The following EPHA3 variants were observed in gnomAD, a reference collection of about 807,000 sequenced individuals.
EPHA3 encodes the protein ephrin type-A receptor 3.
In EPHA3, 42 loss-of-function variants were observed where a neutral mutation model predicts 107.1. The observed-to-expected ratio is 0.39, with a 90% CI of 0.31 to 0.51. EPHA3 has a LOEUF of 0.51. Ranked by LOEUF, EPHA3 falls within the 20% of genes least tolerant of loss-of-function variation. EPHA3 has a pLI of 0.78. For missense variants in EPHA3, 1,183 were observed against 1,211.2 expected, an observed-to-expected ratio of 0.98 and a Z score of 0.35; for synonymous variants, 461 against 424.8, an observed-to-expected ratio of 1.09 and a Z score of -1.05.
intron 3 of EPHA3, among the ~76,000 whole-genome samples, chr3:89,259,049 A>G (rs1161498992): frequency 6.6e-6 from 1 of 152,198 alleles, no homozygotes; most frequent in Non-Finnish European, 1.5e-5. Context: ...ATATGGTTAC[A>G]TATATATTAT....
chr3:89,147,733 A>G (rs1704596524), intron 2 of EPHA3, among the ~76,000 whole-genome samples: 1 of 151,900 alleles, frequency 6.6e-6, no homozygotes. Context: ...ACCCCTGAGG[A>G]ATTTTGGTCT....
chr3:89,182,763 C>T (rs143211645), intron 2 of EPHA3, among the ~76,000 whole-genome samples: 45 of 151,892 alleles, frequency 3.0e-4, no homozygotes, highest in Non-Finnish European at 4.4e-5. Flanking sequence ...TATCTTTCTA[C>T]ATCTGTACCA....
chr3:89,399,489 T>C lies in EPHA3; in HGVS notation c.1594+9T>C. ...TGAAACTAGTCCAGACTGTATGTAT[T>C]ATTTCAATGCAGTCTAGAGGAGGGG... On this transcript the variant is annotated intron_variant, in intron 7 of 16. Transcript: ENST00000336596. The C allele has an allele frequency of 6.2e-7, 1 of 1,613,890 alleles. No individual in the cohort carries two copies. The highest frequency in any genetic ancestry group is 8.5e-7 in the Non-Finnish European group (1 of 1,179,826).
intron 2 of EPHA3, among the ~76,000 whole-genome samples, chr3:89,181,089 T>C (rs1705433291): frequency 1.3e-5 from 2 of 152,028 alleles, no homozygotes; most frequent in South Asian, 4.1e-4. Context: ...TGTAATTATG[T>C]AATTTGAGTT....
intron 2 of EPHA3, among the ~76,000 whole-genome samples, chr3:89,186,800 C>G (rs1008342034): frequency 1.3e-5 from 2 of 151,868 alleles, no homozygotes; most frequent in Admixed American, 6.6e-5. Flanking sequence ...ATAGGAAATT[C>G]CATTATGTAG....
At chr3:89,269,775 C>A in intron 3 of EPHA3, among the ~76,000 whole-genome samples, 1 of 124,654 alleles carries the variant, frequency 8.0e-6, no homozygotes, top group African/African-American at 3.2e-5. Context: ...CCACAACAGT[C>A]CCCAGAGTGT....
intron 3 of EPHA3, among the ~76,000 whole-genome samples, chr3:89,326,202 C>T (rs1707163072): frequency 6.6e-6 from 1 of 151,898 alleles, no homozygotes; most frequent in African/African-American, 2.4e-5. Flanking sequence ...TACCAAAATC[C>T]ATGGATGCTC....
chr3:89,469,398 A>C (rs777716683), intron 15 of EPHA3, among the ~76,000 whole-genome samples: 2 of 152,184 alleles, frequency 1.3e-5, no homozygotes, highest in Non-Finnish European at 2.9e-5. Flanking sequence ...ATTTTTATCA[A>C]ATACGTTTCA....
intron 2 of EPHA3, among the ~76,000 whole-genome samples, chr3:89,164,092 G>A (rs1385430688): frequency 7.9e-5 from 12 of 152,154 alleles, no homozygotes; most frequent in Admixed American, 4.6e-4. Context: ...CAGAGGTAGC[G>A]TTTCAGACAT....
chr3:89,170,527 A>G (rs1705186813), intron 2 of EPHA3, among the ~76,000 whole-genome samples: 2 of 152,148 alleles, frequency 1.3e-5, no homozygotes, highest in Admixed American at 6.5e-5. Flanking sequence ...ACTTGGCTAT[A>G]AAGTGTAGCC....
chr3:89,178,352 A>G (rs1419319857), intron 2 of EPHA3, among the ~76,000 whole-genome samples: 1 of 152,074 alleles, frequency 6.6e-6, no homozygotes, highest in Admixed American at 6.6e-5. Flanking sequence ...CATTTGTGCA[A>G]AGATGGAACT....
intron 2 of EPHA3, among the ~76,000 whole-genome samples, chr3:89,160,796 T>G (rs1318933417): frequency 6.6e-6 from 1 of 152,122 alleles, no homozygotes; most frequent in African/African-American, 2.4e-5. Context: ...TTTTATAGTC[T>G]CCTCAGCTTA....
chr3:89,330,523 T>C (rs1707261825), intron 3 of EPHA3, among the ~76,000 whole-genome samples: 1 of 152,026 alleles, frequency 6.6e-6, no homozygotes, highest in Admixed American at 6.6e-5. Flanking sequence ...ATATGAAATA[T>C]TAAGGTGTGA....
intron 7 of EPHA3, among the ~76,000 whole-genome samples, chr3:89,405,475 A>G (rs1158623060): frequency 2.0e-5 from 3 of 152,186 alleles, no homozygotes; most frequent in Non-Finnish European, 2.9e-5. Flanking sequence ...TGCTGGTAGT[A>G]AAGAGTAAAG....
chr3:89,133,644 T>C (rs1175245202), intron 2 of EPHA3, among the ~76,000 whole-genome samples: 1 of 152,196 alleles, frequency 6.6e-6, no homozygotes, highest in Non-Finnish European at 1.5e-5. Flanking sequence ...TTTGTTCAAC[T>C]TTTGAAGCAT....
At chr3:89,241,684 A>T (rs147581268) in intron 3 of EPHA3, among the ~76,000 whole-genome samples, 21 of 152,266 alleles carry the variant, frequency 1.4e-4, no homozygotes, top group Admixed American at 1.2e-3. Flanking sequence ...ATGGTTTATC[A>T]GTCAGTTTCT....
At chr3:89,322,747 C>G (rs1167163578) in intron 3 of EPHA3, among the ~76,000 whole-genome samples, 1 of 152,118 alleles carries the variant, frequency 6.6e-6, no homozygotes, top group Non-Finnish European at 1.5e-5. Context: ...GAGATCCATT[C>G]AGCTTTGGTG....
At chr3:89,426,449 G>A (rs772835203) in intron 11 of EPHA3, among the ~76,000 whole-genome samples, 1 of 151,776 alleles carries the variant, frequency 6.6e-6, no homozygotes, top group African/African-American at 2.4e-5. Flanking sequence ...ATCTTTGAAC[G>A]TAATGCAAAG....
rs1709332626 is a variant in EPHA3 at position 89,420,479 on chromosome 3, T to C, written c.2074+1089T>C. On this transcript the variant is annotated intron_variant, in intron 11 of 16. Coordinates refer to ENST00000336596, the MANE Select transcript of EPHA3 (RefSeq NM_005233.6). ...ACAATGTGGAATAGTTCAACATACATTGTAAGTCCATATTAATTCTTATAA... is the reference window on the plus strand; with the variant it reads ...ACAATGTGGAATAGTTCAACATACACTGTAAGTCCATATTAATTCTTATAA... 2.0e-5 allele frequency among the ~76,000 whole-genome samples: 3 copies of C among 151,518 alleles called. No homozygotes were observed. The South Asian group carries it at 6.2e-4, about 31-fold the overall frequency.
Sources: allele counts gnomAD v4.1 joint callset (sites outside exome capture counted in the v4.1 genomes callset), GRCh38; gene constraint gnomAD v4.1.1; transcripts MANE v1.5; gene names NCBI Gene and HGNC (gene_info 2026-07-23, HGNC 2026-07-21).